CDH17: variants seen among roughly 807,000 people sequenced by gnomAD.
The protein encoded by CDH17 is cadherin-17.
In CDH17, 67 loss-of-function variants were observed where a neutral mutation model predicts 86.3. The ratio of observed to expected loss-of-function variants is 0.78; its 90% CI spans 0.64 to 0.95. CDH17 has a LOEUF of 0.95. Ranked by LOEUF, CDH17 falls within the 40% of genes least tolerant of loss-of-function variation. CDH17 has a pLI of 0.00. For synonymous variants in CDH17, 367 were observed against 366.4 expected (o/e 1.00, Z -0.02); for missense variants, 993 against 1,017.6 (o/e 0.98, Z 0.33).
At chr8:94,151,405 T>C (rs867073078) in intron 13 of CDH17, among the ~76,000 whole-genome samples, 1 of 152,332 alleles carries the variant, frequency 6.6e-6, no homozygotes, top group Middle Eastern at 3.4e-3. Flanking sequence ...AAGGAACCTA[T>C]GTATCCTACA....
rs10600702 is a variant in CDH17, at chr8:94,200,537, GTTTTTTTTTTTTTT to G, written c.-20-5846_-20-5833del. 4.2e-4 allele frequency among the ~76,000 whole-genome samples: 24 copies of G among 56,944 alleles called. No individual in the cohort carries two copies. In the Admixed American group the frequency reaches 4.6e-3, roughly 11 times the overall value. The allele number at this position is 56,944 out of a possible 152,430, so 37.4% of individuals were successfully genotyped here. Reference sequence around the variant, plus strand: ...CAGAGGGTTATTATTATTATCTTTTGTTTTTTTTTTTTTTTTTTTTTTTTTTTTTTTACAAAAAA... The same window carrying G: ...CAGAGGGTTATTATTATTATCTTTTGTTTTTTTTTTTTTTTTTACAAAAAA... On this transcript the variant is annotated intron_variant, in intron 1 of 17. Transcript: ENST00000027335.
chr8:94,169,531 T>C (rs1813227705), intron 9 of CDH17, among the ~76,000 whole-genome samples: 1 of 152,134 alleles, frequency 6.6e-6, no homozygotes, highest in Non-Finnish European at 1.5e-5. Context: ...AAAGAAAATG[T>C]GAGCCCATCC....
chr8:94,152,870 G>GT (rs1402817630), intron 12 of CDH17, among the ~76,000 whole-genome samples: 2 of 152,208 alleles, frequency 1.3e-5, no homozygotes, highest in Non-Finnish European at 2.9e-5. Flanking sequence ...GTTTTGCCAT[G>GT]TTGGCCAGGC....
intron 15 of CDH17, among the ~76,000 whole-genome samples, chr8:94,135,465 G>C (rs533210917): frequency 2.4e-4 from 37 of 152,288 alleles, no homozygotes; most frequent in African/African-American, 8.7e-4. Flanking sequence ...TTTTATCAGA[G>C]ACTAGGATTG....
chr8:94,206,182 C>A (rs1407637796), intron 1 of CDH17, among the ~76,000 whole-genome samples: 1 of 149,560 alleles, frequency 6.7e-6, no homozygotes, highest in Non-Finnish European at 1.5e-5. Context: ...AAAAAATCAA[C>A]TTTAGTGTAG....
intron 15 of CDH17, among the ~76,000 whole-genome samples, chr8:94,139,031 C>T (rs555077205): frequency 2.6e-5 from 4 of 152,180 alleles, no homozygotes; most frequent in South Asian, 4.1e-4. Flanking sequence ...GATCAATTGA[C>T]GCCTACCCAG....
At chr8:94,175,921 A>G (rs1340167217) in intron 5 of CDH17, among the ~76,000 whole-genome samples, 1 of 152,014 alleles carries the variant, frequency 6.6e-6, no homozygotes, top group African/African-American at 2.4e-5. Flanking sequence ...ACAGAATCTC[A>G]CTCTGTTGCC....
chr8:94,210,653 G>C (rs1027161818), upstream of CDH17, among the ~76,000 whole-genome samples: 1 of 152,128 alleles, frequency 6.6e-6, no homozygotes, highest in Non-Finnish European at 1.5e-5. Flanking sequence ...CTAATAATAG[G>C]AATAAGGAAA....
upstream of CDH17, among the ~76,000 whole-genome samples, chr8:94,210,443 T>C (rs1814105967): frequency 6.6e-6 from 1 of 152,118 alleles, no homozygotes. Context: ...ATTGCATTTC[T>C]GAATTACAGA....
chr8:94,168,097 A>AATATATATAT (rs529264296), intron 9 of CDH17, among the ~76,000 whole-genome samples: 16 of 50,654 alleles, frequency 3.2e-4, no homozygotes, highest in South Asian at 6.2e-4. Flanking sequence ...TACACTGGGG[A>AATATATATAT]ATATATATAT....
chr8:94,175,508 T>A (rs1813355214), intron 5 of CDH17, among the ~76,000 whole-genome samples: 1 of 152,218 alleles, frequency 6.6e-6, no homozygotes, highest in Non-Finnish European at 1.5e-5. Context: ...TTTAAATGAA[T>A]ATCTTTAAAA....
intron 12 of CDH17, among the ~76,000 whole-genome samples, chr8:94,159,687 T>A (rs113020135): frequency 6.6e-6 from 1 of 152,180 alleles, no homozygotes; most frequent in African/African-American, 2.4e-5. Context: ...TAGAACACAC[T>A]TATACTAAAA....
intron 14 of CDH17, 21 bp downstream of exon 14, chr8:94,148,723 T>G (rs748011902): frequency 1.6e-4 from 143 of 884,446 alleles, no homozygotes; most frequent in Non-Finnish European, 1.8e-4. Flanking sequence ...TTTTTTTTGT[T>G]TTTTTTTTTT....
intron 15 of CDH17, among the ~76,000 whole-genome samples, chr8:94,136,440 A>C (rs1365709069): frequency 1.3e-5 from 2 of 152,144 alleles, no homozygotes; most frequent in African/African-American, 2.4e-5. Flanking sequence ...TCAGCTACTG[A>C]AGCTTGTGCA....
At chr8:94,176,827 T>A in intron 4 of CDH17, 148 bp from the exon 5 acceptor site, 1 of 717,860 alleles carries the variant, frequency 1.4e-6, no homozygotes, top group South Asian at 2.0e-5. Context: ...AATTGGGAAA[T>A]GCTAAAACAG....
chr8:94,212,018 G>C (rs142773616), upstream of CDH17, among the ~76,000 whole-genome samples: 63 of 152,340 alleles, frequency 4.1e-4, 1 homozygote, highest in East Asian at 9.6e-3. Context: ...CATTTATTTA[G>C]TGGAATGAAG....
At chr8:94,215,351 A>C (rs886746825) in intron 1 of CDH17, among the ~76,000 whole-genome samples, 3 of 152,218 alleles carry the variant, frequency 2.0e-5, no homozygotes, top group Non-Finnish European at 4.4e-5. Context: ...ACAAGACTAA[A>C]CCTTGAAAAC....
At chr8:94,163,000 C>A (rs1000200178) in intron 10 of CDH17, among the ~76,000 whole-genome samples, 6 of 152,214 alleles carry the variant, frequency 3.9e-5, no homozygotes, top group African/African-American at 1.4e-4. Flanking sequence ...TGCCACTTAG[C>A]ATGTATGTGA....
chr8:94,212,434 C>T (rs957619889), upstream of CDH17, among the ~76,000 whole-genome samples: 3 of 152,092 alleles, frequency 2.0e-5, no homozygotes, highest in Admixed American at 6.5e-5. Flanking sequence ...AGGCACTGCG[C>T]CTGGCCTATA....
Sources: gnomAD v4.1 joint callset for allele counts (sites outside exome capture counted in the v4.1 genomes callset) on GRCh38, gnomAD v4.1.1 for gene constraint, MANE v1.5 for transcripts, NCBI Gene and HGNC (gene_info 2026-07-23, HGNC 2026-07-21) for gene names.